Variants in TP53INP1 observed in about 807,000 individuals in gnomAD.
TP53INP1 encodes the protein tumor protein p53 inducible nuclear protein 1.
Under a neutral mutation model 21.0 loss-of-function variants are expected in TP53INP1, and 12 were observed. That is an observed-to-expected ratio of 0.57 (90% CI 0.37 to 0.93). TP53INP1 has a LOEUF of 0.93. Among genes scored for constraint, TP53INP1 ranks in the 40% least tolerant of loss-of-function variants. The probability of loss-of-function intolerance (pLI) is 0.01; values close to 1 mark genes in which losing one functional copy is unlikely to be tolerated. For synonymous variants in TP53INP1, 91 were observed against 94.8 expected, an observed-to-expected ratio of 0.96 and a Z score of 0.23; for missense variants, 274 against 294.7, an observed-to-expected ratio of 0.93 and a Z score of 0.51.
intron 3 of TP53INP1, among the ~76,000 whole-genome samples, chr8:94,934,854 C>T (rs1820801377): frequency 6.6e-6 from 1 of 152,170 alleles, no homozygotes; most frequent in South Asian, 2.1e-4. Flanking sequence ...AAACTTGTAG[C>T]ACTGAATAAA....
chr8:94,933,382 AAAGAAGGAAGGAAG>A (rs1035841695), intron 3 of TP53INP1, among the ~76,000 whole-genome samples: 11 of 152,332 alleles, frequency 7.2e-5, no homozygotes, highest in African/African-American at 2.6e-4. Context: ...CAACCTTGAA[AAAGAAGGAAGGAAG>A]AAGAAGGAAG....
At chr8:94,937,819 C>T (rs758186935) in intron 3 of TP53INP1, among the ~76,000 whole-genome samples, 1 of 152,006 alleles carries the variant, frequency 6.6e-6, no homozygotes, top group East Asian at 1.9e-4. Flanking sequence ...GAGCCAACAA[C>T]GAATGCAGCT....
At chr8:94,932,252 G>T in intron 3 of TP53INP1, 1 of 804,044 alleles carries the variant, frequency 1.2e-6, no homozygotes, top group Non-Finnish European at 2.0e-6. Context: ...AAGATAACAT[G>T]TAAAACCTTC....
rs767999286 is a variant in TP53INP1, at chr8:94,940,044, A to G, written c.289T>C (p.Phe97Leu). 8.7e-6 allele frequency: 14 copies of G among 1,614,170 alleles called. No homozygotes were observed. Among genetic ancestry groups the G allele is most frequent in the Non-Finnish European group, 1.1e-5 (13 of 1,180,038 alleles). The change falls in exon 3 of 4, where the codon TTT (phenylalanine) becomes CTT (leucine). Residue 97 changes from phenylalanine (F) to leucine (L), a missense_variant. Phe to Leu is a conservative substitution (Grantham distance 22, BLOSUM62 0). Coordinates refer to ENST00000342697, the MANE Select transcript of TP53INP1 (RefSeq NM_033285.4). ...GTAAAACATGGGGGTGGGGTGATAA[A>G]CCAGCTCTCCTCCATTGGACATGAC... Reference protein sequence around the residue: ...FESCPMEESWFITPPPCFTAG... With the variant: ...FESCPMEESWLITPPPCFTAG...
At chr8:94,946,752 G>A (rs1004956221) in intron 1 of TP53INP1, among the ~76,000 whole-genome samples, 1 of 142,224 alleles carries the variant, frequency 7.0e-6, no homozygotes, top group African/African-American at 2.6e-5. Context: ...TCTTGGCTCT[G>A]CTACTTGCAA....
rs967437552 is a variant in TP53INP1, at chr8:94,941,026, G to C, written c.-85C>G. 1 of 968,224 alleles carries C rather than the reference G, an allele frequency of 1.0e-6. No individual in the cohort carries two copies. Among genetic ancestry groups the C allele is most frequent in the Non-Finnish European group, 1.6e-6 (1 of 623,038 alleles). 60.0% of individuals were successfully genotyped at this position (968,224 alleles called of 1,614,324 possible). ...TGTCTTTAGTTGGCCCAATGGTACC[G>C]ACAGGAGATTAAAGTGCACAGGGTG... On this transcript the variant is annotated 5_prime_UTR_variant, in exon 2 of 4. Coordinates refer to ENST00000342697, the MANE Select transcript of TP53INP1 (RefSeq NM_033285.4).
At chr8:94,935,413 A>ATC (rs1255815800) in intron 3 of TP53INP1, among the ~76,000 whole-genome samples, 1 of 152,228 alleles carries the variant, frequency 6.6e-6, no homozygotes, top group African/African-American at 2.4e-5. Flanking sequence ...GCAATCTCAG[A>ATC]TATTTCCTAG....
rs1819952163 is a variant in TP53INP1 at position 94,926,979 on chromosome 8, A to G, written c.*3500T>C. 1 of 152,260 alleles carries G rather than the reference A, an allele frequency of 6.6e-6. No homozygotes were observed. The highest frequency in any genetic ancestry group is 2.4e-5 in the African/African-American group (1 of 41,474). 9.4% of individuals were successfully genotyped at this position (152,260 alleles called of 1,614,324 possible). A position where few individuals can be genotyped will look rare whatever the true frequency, so the allele number is the denominator to read the frequency against. ...CATCCAAGATAGAAGGCCCACTTTTAACAGAGTTTAACCAGTATTTATGGG... is the reference window on the plus strand; with the variant it reads ...CATCCAAGATAGAAGGCCCACTTTTGACAGAGTTTAACCAGTATTTATGGG... On this transcript the variant is annotated 3_prime_UTR_variant, in exon 4 of 4. Transcript: ENST00000342697.
chr8:94,943,002 G>C (rs1315316935), intron 1 of TP53INP1, among the ~76,000 whole-genome samples: 1 of 152,182 alleles, frequency 6.6e-6, no homozygotes, highest in African/African-American at 2.4e-5. Flanking sequence ...ACCATTTAGG[G>C]AAACAGGAAT....
intron 3 of TP53INP1, among the ~76,000 whole-genome samples, chr8:94,935,703 C>T (rs1298751630): frequency 6.6e-6 from 1 of 152,124 alleles, no homozygotes; most frequent in Non-Finnish European, 1.5e-5. Flanking sequence ...GTATCAAGAT[C>T]TATTGGTAAA....
At chr8:94,946,222 T>A (rs1821976311) in intron 1 of TP53INP1, among the ~76,000 whole-genome samples, 2 of 152,142 alleles carry the variant, frequency 1.3e-5, no homozygotes, top group Admixed American at 1.3e-4. Context: ...TTTCATATTA[T>A]TACATGAGTA....
chr8:94,927,240 T>TAAGAAAAA lies in TP53INP1; in HGVS notation c.*3238_*3239insTTTTTCTT, dbSNP rs1180320988. 2 of 152,636 alleles carry TAAGAAAAA rather than the reference T, an allele frequency of 1.3e-5. No homozygotes were observed. Among genetic ancestry groups the TAAGAAAAA allele is most frequent in the Non-Finnish European group, 2.9e-5 (2 of 68,042 alleles). 9.5% of individuals were successfully genotyped at this position (152,636 alleles called of 1,614,324 possible). A position where few individuals can be genotyped will look rare whatever the true frequency, so the allele number is the denominator to read the frequency against. ...AATGAAGATACTCTTCCTTGCTCGT[T>TAAGAAAAA]TTTCTTAAGAGTACATAAAGATAAT... On this transcript the variant is annotated 3_prime_UTR_variant, in exon 4 of 4. Coordinates refer to ENST00000342697, the MANE Select transcript of TP53INP1 (RefSeq NM_033285.4).
At chr8:94,931,750 G>A (rs1408106985) in intron 3 of TP53INP1, among the ~76,000 whole-genome samples, 1 of 152,134 alleles carries the variant, frequency 6.6e-6, no homozygotes, top group Non-Finnish European at 1.5e-5. Flanking sequence ...TGAGGCAGGT[G>A]GATCACCTTA....
At chr8:94,936,755 G>A (rs1049228449) in intron 3 of TP53INP1, among the ~76,000 whole-genome samples, 17 of 152,178 alleles carry the variant, frequency 1.1e-4, no homozygotes, top group Non-Finnish European at 2.5e-4. Context: ...GGTTTGGAAG[G>A]TGACTGGGAC....
chr8:94,938,726 G>A (rs1353661493), intron 3 of TP53INP1, among the ~76,000 whole-genome samples: 3 of 152,228 alleles, frequency 2.0e-5, no homozygotes, highest in Non-Finnish European at 4.4e-5. Flanking sequence ...GGTGCACAGA[G>A]GGCATGGGCC....
At chr8:94,935,678 G>A (rs2131341534) in intron 3 of TP53INP1, among the ~76,000 whole-genome samples, 1 of 152,328 alleles carries the variant, frequency 6.6e-6, no homozygotes, top group Admixed American at 6.5e-5. Flanking sequence ...TGGTATGGGA[G>A]CTCCATGTAC....
Position 94,930,452 on chromosome 8 carries a change from GAAAC to G in TP53INP1, c.*23_*26del. On this transcript the variant is annotated 3_prime_UTR_variant, in exon 4 of 4. Transcript: ENST00000342697. ...CCATACATGTAAGCACAAACCAAGAGAAACCAACCAACAAAACTTGAAACTATTA... is the reference window on the plus strand; with the variant it reads ...CCATACATGTAAGCACAAACCAAGAGCAACCAACAAAACTTGAAACTATTA... 6.2e-7 allele frequency: 1 copy of G among 1,612,636 alleles called. No individual in the cohort carries two copies.
rs563445319 is a variant in TP53INP1 at position 94,940,180 on chromosome 8, CTCT to C, written c.150_152del (p.Glu52del). 634 of 1,599,600 alleles carry C rather than the reference CTCT, an allele frequency of 4.0e-4. 2 individuals are homozygous for C. Among genetic ancestry groups the C allele is most frequent in the South Asian group, 3.0e-3 (272 of 90,098 alleles). On this transcript the variant is annotated inframe_deletion, in exon 3 of 4. Coordinates refer to ENST00000342697, the MANE Select transcript of TP53INP1 (RefSeq NM_033285.4). ...TAGGTGACTCTTCACTGATGTCCTC[CTCT>C]TCTTCTTCTTCTTCTGCTGAGAAAC...
chr8:94,944,793 C>T (rs1821846351), intron 1 of TP53INP1, among the ~76,000 whole-genome samples: 1 of 152,194 alleles, frequency 6.6e-6, no homozygotes, highest in Admixed American at 6.5e-5. Context: ...TAAATTGGCC[C>T]TTCTGAGCTT....
Sources: allele counts gnomAD v4.1 joint callset (sites outside exome capture counted in the v4.1 genomes callset), GRCh38; gene constraint gnomAD v4.1.1; transcripts MANE v1.5; gene names NCBI Gene and HGNC (gene_info 2026-07-23, HGNC 2026-07-21).